Variants in SVOP observed in about 807,000 individuals in gnomAD.
The protein encoded by SVOP is SV2 related protein.
Under a neutral mutation model 69.1 loss-of-function variants are expected in SVOP, and 17 were observed. The ratio of observed to expected loss-of-function variants is 0.25; its 90% confidence interval spans 0.17 to 0.37. The LOEUF (loss-of-function observed/expected upper bound fraction) is 0.37, where lower values mean the gene tolerates loss of function less well. Among genes scored for constraint, SVOP ranks in the 10% least tolerant of loss-of-function variants. SVOP has a pLI of 1.00. For synonymous variants in SVOP, 238 were observed against 238.6 expected (o/e 1.00, Z 0.02); for missense variants, 435 against 597.5 (o/e 0.73, Z 2.84).
chr12:108,912,768 AAAGCATCCCTTCTG>A (rs2039692374), intron 15 of SVOP, 27 bp from the exon 16 acceptor site: 1 of 1,604,896 alleles, frequency 6.2e-7, no homozygotes, highest in Non-Finnish European at 8.5e-7. Context: ...CGGGTCGGTG[AAAGCATCCCTTCTG>A]AAGCACAGAC....
chr12:108,947,754 A>C (rs914805836), intron 6 of SVOP, among the ~76,000 whole-genome samples: 3 of 152,172 alleles, frequency 2.0e-5, no homozygotes, highest in East Asian at 3.9e-4. Context: ...TAGAAAGAGG[A>C]GGCCTTCTTT....
intron 6 of SVOP, among the ~76,000 whole-genome samples, chr12:108,957,554 C>G (rs961704362): frequency 6.6e-6 from 1 of 152,200 alleles, no homozygotes; most frequent in African/African-American, 2.4e-5. Context: ...TCACCGTGGG[C>G]TCCTTGGGTC....
intron 5 of SVOP, among the ~76,000 whole-genome samples, chr12:108,963,868 A>G (rs2040030854): frequency 6.6e-6 from 1 of 152,246 alleles, no homozygotes; most frequent in Admixed American, 6.5e-5. Context: ...TGGGACAACC[A>G]CAACCACTAA....
intron 1 of SVOP, among the ~76,000 whole-genome samples, chr12:109,002,679 A>G (rs959928582): frequency 1.8e-4 from 27 of 151,868 alleles, no homozygotes; most frequent in Admixed American, 8.6e-4. Flanking sequence ...GAAATTGGAA[A>G]TCATCTTTCT....
rs140813781 is a variant in SVOP at position 109,010,558 on chromosome 12, G to A, written c.35+10276C>T. 6.6e-5 allele frequency among the ~76,000 whole-genome samples: 10 copies of A among 152,288 alleles called. No homozygotes were observed. The South Asian group carries it at 1.2e-3, about 19-fold the overall frequency. ...AGACTGGGTCTCACTTTGTCACCCA[G>A]GCTGGAGTGCAGTGGTGCAATCATA... On this transcript the variant is annotated intron_variant, in intron 1 of 15. Coordinates refer to ENST00000610966, the MANE Select transcript of SVOP (RefSeq NM_018711.5).
chr12:108,937,245 G>C lies in SVOP; in HGVS notation c.971+19C>G, dbSNP rs749006050. 6 of 1,613,700 alleles carry C rather than the reference G, an allele frequency of 3.7e-6. No individual in the cohort carries two copies. The highest frequency in any genetic ancestry group is 5.1e-6 in the Non-Finnish European group (6 of 1,179,648). ...CAGGGAGTGGAAAGGGGTCAAAGTG[G>C]TCAACAAACAGCTCTTACCATATAA... On this transcript the variant is annotated intron_variant, in intron 10 of 15. Coordinates refer to ENST00000610966, the MANE Select transcript of SVOP (RefSeq NM_018711.5).
chr12:108,976,182 A>G (rs1462881464), intron 4 of SVOP, among the ~76,000 whole-genome samples: 1 of 152,154 alleles, frequency 6.6e-6, no homozygotes, highest in Non-Finnish European at 1.5e-5. Flanking sequence ...ACTCAAGGTC[A>G]CACTTCTGGA....
intron 10 of SVOP, chr12:108,937,023 C>T (rs2039860602): frequency 2.0e-6 from 1 of 492,132 alleles, no homozygotes; most frequent in Non-Finnish European, 3.7e-6. Flanking sequence ...GAGAGCGCCA[C>T]TGCACTCCAG....
At chr12:108,916,193 T>C (rs2039712609) in intron 14 of SVOP, among the ~76,000 whole-genome samples, 1 of 152,232 alleles carries the variant, frequency 6.6e-6, no homozygotes, top group African/African-American at 2.4e-5. Context: ...CTTCTTCTCA[T>C]GCGTTCACCT....
intron 1 of SVOP, among the ~76,000 whole-genome samples, chr12:109,006,717 G>C (rs935166537): frequency 6.6e-6 from 1 of 152,138 alleles, no homozygotes; most frequent in Non-Finnish European, 1.5e-5. Flanking sequence ...ATGTGGCCTG[G>C]AGTCTGGGAG....
rs1217242023 is a variant in SVOP, at chr12:108,907,914, TCCAGGCATA to T, written c.*4612_*4620del. On this transcript the variant is annotated 3_prime_UTR_variant, in exon 16 of 16. Transcript: ENST00000610966. The stretch of plus-strand genomic sequence containing the variant: ...AGTTTATGCACATGTCACTGCAGAT[TCCAGGCATA>T]CCAGCAATTGTCTGCACCACCCTGC... The T allele has an allele frequency of 6.6e-6, 1 of 152,260 alleles. No individual in the cohort carries two copies. The highest frequency in any genetic ancestry group is 1.5e-5 in the Non-Finnish European group (1 of 68,070). 9.4% of individuals were successfully genotyped at this position (152,260 alleles called of 1,614,324 possible). A position where few individuals can be genotyped will look rare whatever the true frequency, so the allele number is the denominator to read the frequency against.
chr12:108,996,477 G>A (rs980031040), intron 1 of SVOP, among the ~76,000 whole-genome samples: 9 of 152,090 alleles, frequency 5.9e-5, no homozygotes, highest in Non-Finnish European at 1.2e-4. Context: ...AGAATCGCTT[G>A]AACCCAGGAG....
At chr12:109,019,874 G>GA (rs1297539213) in intron 1 of SVOP, among the ~76,000 whole-genome samples, 1 of 151,928 alleles carries the variant, frequency 6.6e-6, no homozygotes, top group African/African-American at 2.4e-5. Context: ...GTAGATTATA[G>GA]AAAAAAATAA....
At chr12:108,980,998 C>T (rs1344043595) in intron 2 of SVOP, among the ~76,000 whole-genome samples, 1 of 152,190 alleles carries the variant, frequency 6.6e-6, no homozygotes, top group Non-Finnish European at 1.5e-5. Context: ...TCAGCCCCTG[C>T]TGGGAGGTGT....
Position 108,938,899 on chromosome 12 carries a change from G to T in SVOP, c.825C>A (p.Ile275=), listed in dbSNP as rs368041602. The change falls in exon 9 of 16, where the codon ATC becomes ATA. Residue 275 remains isoleucine, a synonymous_variant. Coordinates refer to ENST00000610966, the MANE Select transcript of SVOP (RefSeq NM_018711.5). The part of the protein sequence containing the change: ...DVLSGNQEKA[I]ATLKRIATEN... The stretch of plus-strand genomic sequence containing the variant: ...CAGTTGCTATCCTCTTTAAGGTGGC[G>T]ATTGCCTTTTCCTGGTTCCCTGACA... 4.3e-6 allele frequency: 7 copies of T among 1,613,986 alleles called. No homozygotes were observed. Among genetic ancestry groups the T allele is most frequent in the Non-Finnish European group, 5.9e-6 (7 of 1,179,896 alleles).
chr12:108,936,365 C>T (rs183115434), intron 10 of SVOP, among the ~76,000 whole-genome samples: 105 of 152,298 alleles, frequency 6.9e-4, no homozygotes, highest in Non-Finnish European at 1.1e-3. Context: ...AATATTTAAT[C>T]GTATTGTGAA....
chr12:108,966,505 A>C (rs1002639156), intron 5 of SVOP, among the ~76,000 whole-genome samples: 6 of 151,790 alleles, frequency 4.0e-5, no homozygotes, highest in African/African-American at 1.5e-4. Flanking sequence ...AGGGCAGATC[A>C]AGGAGGTTCT....
intron 7 of SVOP, among the ~76,000 whole-genome samples, chr12:108,943,948 C>G (rs2039908144): frequency 6.6e-6 from 1 of 151,886 alleles, no homozygotes; most frequent in South Asian, 2.1e-4. Flanking sequence ...GTGGCACGAT[C>G]TCAGCTCACT....
Position 108,912,333 on chromosome 12 carries a change from C to A in SVOP, c.*202G>T. The A allele has an allele frequency of 2.1e-6, 3 of 1,436,884 alleles. No individual in the cohort carries two copies. The highest frequency in any genetic ancestry group is 3.0e-5 in the South Asian group (2 of 67,542). The allele number at this position is 1,436,884 out of a possible 1,614,324, so 89.0% of individuals were successfully genotyped here. A position where few individuals can be genotyped will look rare whatever the true frequency, so the allele number is the denominator to read the frequency against. ...AGCTTTCACCACATATACAGAGAAC[C>A]CCCTAGAGCAAACATCTCCCCATCC... is the stretch of plus-strand genomic sequence containing the variant. On this transcript the variant is annotated 3_prime_UTR_variant, in exon 16 of 16. Coordinates refer to ENST00000610966, the MANE Select transcript of SVOP (RefSeq NM_018711.5).
Sources: allele counts gnomAD v4.1 joint callset (sites outside exome capture counted in the v4.1 genomes callset), GRCh38; gene constraint gnomAD v4.1.1; transcripts MANE v1.5; gene names NCBI Gene and HGNC (gene_info 2026-07-23, HGNC 2026-07-21).